The following KIF16B variants were observed in gnomAD, a reference collection of about 807,000 sequenced individuals.
KIF16B encodes the protein kinesin-like protein KIF16B.
A neutral mutation model predicts 156.3 loss-of-function variants in KIF16B; 98 were observed. The observed-to-expected ratio is 0.63, with a 90% CI of 0.53 to 0.74. The LOEUF (loss-of-function observed/expected upper bound fraction) is 0.74, where lower values mean the gene tolerates loss of function less well. KIF16B is among the 30% of genes least tolerant of loss of function. The pLI, the probability that KIF16B is intolerant of heterozygous loss-of-function variation, is 0.00. For missense variants in KIF16B, 1,421 were observed against 1,606.5 expected, an observed-to-expected ratio of 0.88 and a Z score of 1.97; for synonymous variants, 564 against 583.7, an observed-to-expected ratio of 0.97 and a Z score of 0.49.
intron 12 of KIF16B, among the ~76,000 whole-genome samples, chr20:16,444,660 T>C (rs2066886412): frequency 6.6e-6 from 1 of 152,346 alleles, no homozygotes; most frequent in Non-Finnish European, 1.5e-5. Flanking sequence ...AAAATGTTCA[T>C]AGTTTTACAC....
At chr20:16,518,627 GA>G (rs1445795391) in intron 3 of KIF16B, among the ~76,000 whole-genome samples, 1 of 152,144 alleles carries the variant, frequency 6.6e-6, no homozygotes, top group African/African-American at 2.4e-5. Flanking sequence ...GAACCATTAA[GA>G]AAATCAGACC....
intron 6 of KIF16B, among the ~76,000 whole-genome samples, chr20:16,510,571 C>T (rs762863614): frequency 4.6e-5 from 7 of 152,126 alleles, no homozygotes; most frequent in Non-Finnish European, 8.8e-5. Context: ...ATTGCTTGAA[C>T]CCAGGAGACA....
At chr20:16,553,779 G>A (rs1287774215) in intron 1 of KIF16B, among the ~76,000 whole-genome samples, 7 of 152,214 alleles carry the variant, frequency 4.6e-5, no homozygotes, top group African/African-American at 7.2e-5. Flanking sequence ...TGGCTACAGC[G>A]GGGGAGGTGC....
At chr20:16,442,302 T>G (rs1026191894) in intron 12 of KIF16B, among the ~76,000 whole-genome samples, 1 of 151,366 alleles carries the variant, frequency 6.6e-6, no homozygotes, top group African/African-American at 2.4e-5. Flanking sequence ...AGATAATGCA[T>G]TTGTTAATTG....
At chr20:16,467,105 G>A (rs2067512992) in intron 12 of KIF16B, among the ~76,000 whole-genome samples, 1 of 152,166 alleles carries the variant, frequency 6.6e-6, no homozygotes, top group South Asian at 2.1e-4. Context: ...TAACCTGCTT[G>A]GATTACATCA....
chr20:16,560,932 G>GT (rs1326750397), intron 1 of KIF16B, among the ~76,000 whole-genome samples: 1 of 152,054 alleles, frequency 6.6e-6, no homozygotes, highest in Non-Finnish European at 1.5e-5. Context: ...CTTCATCAGT[G>GT]TTTTTTTCAA....
chr20:16,551,723 A>G (rs2070673265), intron 1 of KIF16B, among the ~76,000 whole-genome samples: 1 of 152,222 alleles, frequency 6.6e-6, no homozygotes, highest in African/African-American at 2.4e-5. Context: ...GAGGTAAGAA[A>G]GCCCTCTGAT....
intron 1 of KIF16B, among the ~76,000 whole-genome samples, chr20:16,562,546 G>C (rs1470172707): frequency 6.6e-6 from 1 of 152,136 alleles, no homozygotes; most frequent in African/African-American, 2.4e-5. Context: ...AGCAACCACA[G>C]AAAGTAAGAG....
chr20:16,279,406 T>C (rs2063112541), intron 25 of KIF16B, among the ~76,000 whole-genome samples: 1 of 152,198 alleles, frequency 6.6e-6, no homozygotes, highest in African/African-American at 2.4e-5. Context: ...GGAGAGCCTT[T>C]GGTCTCTGTC....
intron 22 of KIF16B, among the ~76,000 whole-genome samples, chr20:16,360,151 T>C (rs1194310886): frequency 1.3e-5 from 2 of 152,272 alleles, no homozygotes; most frequent in Admixed American, 6.5e-5. Context: ...TTGTAAACAT[T>C]ATTTTATGAA....
intron 17 of KIF16B, among the ~76,000 whole-genome samples, chr20:16,384,641 G>C (rs986776576): frequency 2.6e-5 from 4 of 152,122 alleles, no homozygotes; most frequent in Non-Finnish European, 5.9e-5. Flanking sequence ...ATAGATGGGT[G>C]GGGGAGCAAT....
intron 7 of KIF16B, among the ~76,000 whole-genome samples, chr20:16,506,572 C>G (rs1179552055): frequency 2.0e-5 from 3 of 152,058 alleles, no homozygotes; most frequent in East Asian, 3.9e-4. Context: ...AAAATATGAT[C>G]AATATAGACA....
chr20:16,373,849 T>C (rs2064879619), intron 20 of KIF16B, among the ~76,000 whole-genome samples: 1 of 152,232 alleles, frequency 6.6e-6, no homozygotes, highest in South Asian at 2.1e-4. Context: ...TGGACCTCCC[T>C]ATTAGTGGTT....
intron 25 of KIF16B, among the ~76,000 whole-genome samples, chr20:16,297,431 G>A (rs527360613): frequency 3.3e-5 from 5 of 152,266 alleles, no homozygotes; most frequent in South Asian, 4.2e-4. Context: ...GGTGGCTCAC[G>A]CCTGTAATCC....
In KIF16B at chr20:16,369,777, C is replaced by T. The variant is rs982461369; in HGVS notation, c.3498+809G>A. ...GATCAAATGTTCCCATGAACATTAA[C>T]AGTAATTATCATTACTCTTATCTAC... On this transcript the variant is annotated intron_variant, in intron 22 of 25. Transcript: ENST00000354981. 3.9e-5 allele frequency among the ~76,000 whole-genome samples: 6 copies of T among 152,216 alleles called. No individual in the cohort carries two copies. In the East Asian group the frequency reaches 9.6e-4, roughly 24 times the overall value.
intron 20 of KIF16B, among the ~76,000 whole-genome samples, chr20:16,373,583 T>G (rs1238759974): frequency 6.6e-6 from 1 of 152,214 alleles, no homozygotes; most frequent in Non-Finnish European, 1.5e-5. Flanking sequence ...TACTAGTAGT[T>G]TTTATAACAA....
intron 3 of KIF16B, among the ~76,000 whole-genome samples, chr20:16,516,834 T>G (rs970903523): frequency 1.3e-5 from 2 of 151,828 alleles, no homozygotes; most frequent in Non-Finnish European, 2.9e-5. Flanking sequence ...GAAATATGAA[T>G]CTAAGGGGGT....
chr20:16,469,254 TAAAAA>T (rs57114751), intron 12 of KIF16B, among the ~76,000 whole-genome samples: 26 of 66,068 alleles, frequency 3.9e-4, no homozygotes, highest in Admixed American at 9.6e-4. Flanking sequence ...CCCTGTGTCT[TAAAAA>T]AAAAAAAAAA....
chr20:16,345,908 C>G (rs1327347084), intron 23 of KIF16B, among the ~76,000 whole-genome samples: 1 of 152,232 alleles, frequency 6.6e-6, no homozygotes, highest in African/African-American at 2.4e-5. Context: ...AATGTATCCC[C>G]TCCTCTGGCT....
Sources: allele counts gnomAD v4.1 joint callset (sites outside exome capture counted in the v4.1 genomes callset), GRCh38; gene constraint gnomAD v4.1.1; transcripts MANE v1.5; gene names NCBI Gene and HGNC (gene_info 2026-07-23, HGNC 2026-07-21).